The following AOAH variants were observed in gnomAD, a reference collection of about 807,000 sequenced individuals.
The protein encoded by AOAH is acyloxyacyl hydrolase.
Under a neutral mutation model 92.2 loss-of-function variants are expected in AOAH, and 64 were observed. That is an observed-to-expected ratio of 0.69 (90% CI 0.57 to 0.86). The LOEUF (loss-of-function observed/expected upper bound fraction) is 0.86. Ranked by LOEUF, AOAH falls within the 40% of genes least tolerant of loss-of-function variation. AOAH has a pLI of 0.00. For missense variants in AOAH, 656 were observed against 694.6 expected (o/e 0.94, Z 0.62); for synonymous variants, 263 against 254.5 (o/e 1.03, Z -0.32).
Position 36,516,428 on chromosome 7 carries a change from AC to A in AOAH, c.1600-3049del, listed in dbSNP as rs200411729. 5.3e-3 allele frequency among the ~76,000 whole-genome samples: 585 copies of A among 110,882 alleles called. 18 individuals are homozygous for A. The highest frequency in any genetic ancestry group is 8.4e-3 in the Non-Finnish European group (431 of 51,422). 72.7% of individuals were successfully genotyped at this position (110,882 alleles called of 152,430 possible). A position where few individuals can be genotyped will look rare whatever the true frequency, so the allele number is the denominator to read the frequency against. On this transcript the variant is annotated intron_variant, in intron 20 of 20. Coordinates refer to ENST00000617537, the MANE Select transcript of AOAH (RefSeq NM_001637.4). The surrounding 1 kb of genome is among the most constrained non-coding windows in gnomAD (Gnocchi z 5.0). ...TACCACACACACCCCCACAGAAAGCACGCAGATACCCCCCCCACACACACAG... is the reference window on the plus strand; with the variant it reads ...TACCACACACACCCCCACAGAAAGCAGCAGATACCCCCCCCACACACACAG...
At chr7:36,590,487 T>C (rs1789667120) in intron 12 of AOAH, among the ~76,000 whole-genome samples, 1 of 152,232 alleles carries the variant, frequency 6.6e-6, no homozygotes, top group Non-Finnish European at 1.5e-5. Flanking sequence ...TAAGGGGTTA[T>C]GTTTGTCATT....
rs1256275110 is a variant in AOAH at position 36,666,879 on chromosome 7, C to T, written c.290+7064G>A. ...CATGTATTTTGTGATTTCTAGTTCT[C>T]TTTCTTTTACTGATTTCTAGTTTAA... On this transcript the variant is annotated intron_variant, in intron 3 of 20. Transcript: ENST00000617537. Among the ~76,000 whole-genome samples the T allele has an allele frequency of 2.6e-5, 4 of 152,040 alleles. No individual in the cohort carries two copies. In the South Asian group the frequency reaches 8.3e-4, roughly 32 times the overall value.
intron 6 of AOAH, among the ~76,000 whole-genome samples, chr7:36,628,091 G>A (rs548581520): frequency 1.3e-5 from 2 of 152,224 alleles, no homozygotes; most frequent in South Asian, 2.1e-4. Flanking sequence ...GCCTATAGAC[G>A]TGGCTCAGCT....
chr7:36,686,570 T>C, intron 2 of AOAH, 129 bp downstream of exon 2: 1 of 484,794 alleles, frequency 2.1e-6, no homozygotes, highest in South Asian at 9.3e-5. Flanking sequence ...CCCACAAGAA[T>C]ATCAACCCAC....
chr7:36,692,698 A>C (rs1392376341), intron 1 of AOAH, among the ~76,000 whole-genome samples: 1 of 152,232 alleles, frequency 6.6e-6, no homozygotes, highest in African/African-American at 2.4e-5. Flanking sequence ...GTCAGGACAC[A>C]TTCATCCTGT....
intron 19 of AOAH, among the ~76,000 whole-genome samples, chr7:36,528,058 G>T (rs908007309): frequency 1.3e-5 from 2 of 152,226 alleles, no homozygotes; most frequent in South Asian, 4.1e-4. Context: ...TGCAGGTGCT[G>T]TATCAGATGT....
At chr7:36,656,041 C>T (rs1794864874) in intron 4 of AOAH, among the ~76,000 whole-genome samples, 1 of 152,076 alleles carries the variant, frequency 6.6e-6, no homozygotes, top group African/African-American at 2.4e-5. Flanking sequence ...AATTGCTTTC[C>T]AGGCAAAGGG....
intron 20 of AOAH, among the ~76,000 whole-genome samples, chr7:36,519,709 C>T (rs552528900): frequency 7.0e-4 from 106 of 152,338 alleles, no homozygotes; most frequent in African/African-American, 2.4e-3. Flanking sequence ...GGATTATAGG[C>T]GTGAGCCACC....
intron 20 of AOAH, among the ~76,000 whole-genome samples, chr7:36,514,160 G>C (rs1193940314): frequency 6.6e-6 from 1 of 152,174 alleles, no homozygotes; most frequent in Non-Finnish European, 1.5e-5. Context: ...TGTCTGGTGG[G>C]GGAAGGGGTG....
At chr7:36,656,124 TAGAA>T (rs1427196530) in intron 4 of AOAH, among the ~76,000 whole-genome samples, 3 of 151,986 alleles carry the variant, frequency 2.0e-5, no homozygotes, top group South Asian at 2.1e-4. Context: ...AAAAATGTAT[TAGAA>T]AGAAGGAAAG....
chr7:36,558,702 G>A (rs1019440242), intron 13 of AOAH, among the ~76,000 whole-genome samples: 8 of 152,220 alleles, frequency 5.3e-5, no homozygotes, highest in East Asian at 1.9e-4. Flanking sequence ...CCCCAGCCTC[G>A]CTGCTGCCTT....
chr7:36,522,727 C>T (rs925441084), intron 19 of AOAH, among the ~76,000 whole-genome samples: 2 of 152,156 alleles, frequency 1.3e-5, no homozygotes, highest in African/African-American at 2.4e-5. Context: ...ATTAACTCTA[C>T]GTCATTCCAT....
chr7:36,614,351 G>A lies in AOAH; in HGVS notation c.846+2029C>T, dbSNP rs1005186570. ...AGGGCTTTATGTGTGTGCAACCAGTGGGTCCCATGAGGTCCTTCGCTTAGA... is the reference window on the plus strand; with the variant it reads ...AGGGCTTTATGTGTGTGCAACCAGTAGGTCCCATGAGGTCCTTCGCTTAGA... On this transcript the variant is annotated intron_variant, in intron 11 of 20. Transcript: ENST00000617537. The surrounding 1 kb of genome is among the most constrained non-coding windows in gnomAD (Gnocchi z 4.2). Among the ~76,000 whole-genome samples the A allele has an allele frequency of 1.3e-5, 2 of 152,190 alleles. No homozygotes were observed. Among genetic ancestry groups the A allele is most frequent in the African/African-American group, 4.8e-5 (2 of 41,426 alleles).
chr7:36,713,258 A>G (rs1371444808), intron 1 of AOAH, among the ~76,000 whole-genome samples: 1 of 152,226 alleles, frequency 6.6e-6, no homozygotes, highest in Non-Finnish European at 1.5e-5. Context: ...TAAAGGGATC[A>G]ATTCAACAAG....
At chr7:36,669,755 A>G (rs1292339680) in intron 3 of AOAH, among the ~76,000 whole-genome samples, 1 of 152,208 alleles carries the variant, frequency 6.6e-6, no homozygotes, top group African/African-American at 2.4e-5. Context: ...ATTGTTATCA[A>G]TTCTGTTTTG....
intron 2 of AOAH, 85 bp from the exon 3 acceptor site, chr7:36,674,094 C>T: frequency 1.3e-6 from 1 of 767,806 alleles, no homozygotes; most frequent in Non-Finnish European, 2.2e-6. Context: ...TTGCTAGGAA[C>T]TGAAGCTGAG....
chr7:36,596,253 A>C (rs1053823432), intron 11 of AOAH, among the ~76,000 whole-genome samples: 20 of 150,648 alleles, frequency 1.3e-4, no homozygotes, highest in African/African-American at 4.9e-4. Context: ...AACAGTTTAT[A>C]CGTGAAATCT....
At chr7:36,637,634 A>T (rs1041760365) in intron 5 of AOAH, among the ~76,000 whole-genome samples, 6 of 150,932 alleles carry the variant, frequency 4.0e-5, no homozygotes, top group Admixed American at 2.0e-4. Flanking sequence ...ATTCTGCCCC[A>T]GGTGTCAGCA....
At chr7:36,566,359 CTT>C (rs11363143) in intron 13 of AOAH, among the ~76,000 whole-genome samples, 506 of 120,638 alleles carry the variant, frequency 4.2e-3, no homozygotes, top group African/African-American at 0.011. Flanking sequence ...TCATCCTTAA[CTT>C]TTTTTTTTTT....
Sources: gnomAD v4.1 joint callset for allele counts (sites outside exome capture counted in the v4.1 genomes callset) on GRCh38, gnomAD v4.1.1 for gene constraint, Gnocchi (gnomAD v3.1) non-coding constraint, MANE v1.5 for transcripts, NCBI Gene and HGNC (gene_info 2026-07-23, HGNC 2026-07-21) for gene names.